ADGRL3: variants seen among roughly 807,000 people sequenced by gnomAD.
The protein encoded by ADGRL3 is adhesion G protein-coupled receptor L3, also known as calcium-independent alpha-latrotoxin receptor 3.
ADGRL3 carries 62 observed loss-of-function variants against 153.5 expected under a neutral mutation model. The observed-to-expected ratio is 0.40, with a 90% CI of 0.33 to 0.50. The LOEUF is 0.50. Among genes scored for constraint, ADGRL3 ranks in the 20% least tolerant of loss-of-function variants. ADGRL3 has a pLI of 0.47. For missense variants in ADGRL3, 1,641 were observed against 1,859.4 expected, an observed-to-expected ratio of 0.88 and a Z score of 2.16; for synonymous variants, 710 against 672.5, an observed-to-expected ratio of 1.06 and a Z score of -0.86.
At chr4:61,318,505 A>T (rs1404602916) in intron 1 of ADGRL3, among the ~76,000 whole-genome samples, 1 of 152,144 alleles carries the variant, frequency 6.6e-6, no homozygotes, top group Non-Finnish European at 1.5e-5. Flanking sequence ...TTTGTGAACC[A>T]TGAAGTAGTG....
intron 1 of ADGRL3, among the ~76,000 whole-genome samples, chr4:61,237,202 A>G (rs1225612786): frequency 6.6e-6 from 1 of 152,190 alleles, no homozygotes; most frequent in Non-Finnish European, 1.5e-5. Context: ...CCAACCGTAT[A>G]TATTCATGGT....
At chr4:61,307,921 A>G (rs560907373) in intron 1 of ADGRL3, among the ~76,000 whole-genome samples, 168 of 152,256 alleles carry the variant, frequency 1.1e-3, no homozygotes, top group Non-Finnish European at 1.7e-3. Context: ...TCATGTTGTC[A>G]TTTTTAGATT....
intron 3 of ADGRL3, among the ~76,000 whole-genome samples, chr4:61,508,516 T>A (rs538589054): frequency 1.3e-5 from 2 of 152,298 alleles, no homozygotes; most frequent in East Asian, 3.9e-4. Context: ...TTTTAAAAAT[T>A]TTTTTAACCT....
chr4:61,287,037 T>A (rs781166964), intron 1 of ADGRL3, among the ~76,000 whole-genome samples: 2 of 151,862 alleles, frequency 1.3e-5, no homozygotes, highest in Non-Finnish European at 2.9e-5. Context: ...TCATGTTTAA[T>A]GATTAACATC....
At chr4:61,385,114 C>T (rs1322859173) in intron 2 of ADGRL3, among the ~76,000 whole-genome samples, 9 of 152,006 alleles carry the variant, frequency 5.9e-5, no homozygotes, top group African/African-American at 1.9e-4. Context: ...AAACATTTAA[C>T]GGGGCAACAA....
chr4:62,007,763 G>GA (rs754455738), intron 21 of ADGRL3, among the ~76,000 whole-genome samples: 16 of 151,860 alleles, frequency 1.1e-4, no homozygotes, highest in Non-Finnish European at 1.0e-4. Context: ...CTCAAACCTA[G>GA]ACAACCTTGG....
chr4:61,423,991 C>T (rs750979266), intron 2 of ADGRL3, among the ~76,000 whole-genome samples: 3 of 151,958 alleles, frequency 2.0e-5, no homozygotes, highest in African/African-American at 4.8e-5. Context: ...AGAAGGAAAC[C>T]TACAAAAATA....
intron 5 of ADGRL3, among the ~76,000 whole-genome samples, chr4:61,639,729 A>G (rs1260650906): frequency 6.6e-6 from 1 of 152,200 alleles, no homozygotes; most frequent in Admixed American, 6.5e-5. Flanking sequence ...GTAGTGAGTT[A>G]AATTAAGGAA....
chr4:61,247,085 T>G (rs146788297), intron 1 of ADGRL3, among the ~76,000 whole-genome samples: 140 of 152,214 alleles, frequency 9.2e-4, no homozygotes, highest in African/African-American at 3.3e-3. Context: ...TCTGTAAATT[T>G]TAGTTTCAGG....
rs760326778 is a variant in ADGRL3 at position 61,497,329 on chromosome 4, C to G, written c.36C>G (p.Leu12=). The G allele has an allele frequency of 1.2e-6, 2 of 1,606,246 alleles. No homozygotes were observed. The highest frequency in any genetic ancestry group is 1.7e-5 in the Admixed American group (1 of 57,980). Residue 12 remains leucine (L), a synonymous_variant, in exon 3 of 27, where the codon CTC becomes CTG. Coordinates refer to ENST00000683033, the MANE Select transcript of ADGRL3 (RefSeq NM_001387552.1). The part of the protein sequence containing the change: ...WPSQLLIFMM[L]LAPIIHGGKH... Reference sequence around the variant, plus strand: ...CGCAGCTACTAATTTTCATGATGCTCTTAGCTCCAATAATTCATGGTAAGA... The same window carrying G: ...CGCAGCTACTAATTTTCATGATGCTGTTAGCTCCAATAATTCATGGTAAGA...
At chr4:61,691,593 T>A (rs2095540529) in intron 6 of ADGRL3, among the ~76,000 whole-genome samples, 3 of 152,172 alleles carry the variant, frequency 2.0e-5, no homozygotes, top group Admixed American at 2.0e-4. Context: ...TATAACAGAA[T>A]TAAAACAGTT....
rs1579186368 is a variant in ADGRL3, at chr4:61,497,407, C to T, written c.55+59C>T. 27 of 1,085,440 alleles carry T rather than the reference C, an allele frequency of 2.5e-5. No individual in the cohort carries two copies. In the East Asian group the frequency reaches 6.5e-4, roughly 26 times the overall value. 67.2% of individuals were successfully genotyped at this position (1,085,440 alleles called of 1,614,324 possible). On this transcript the variant is annotated intron_variant, in intron 3 of 26. Transcript: ENST00000683033. The stretch of plus-strand genomic sequence containing the variant: ...TGTTGTCTCACTTATTCATACTGGA[C>T]ACTTCCTTGGGATCTTTTCTCTGAG...
chr4:61,395,530 T>A (rs1014940996), intron 2 of ADGRL3, among the ~76,000 whole-genome samples: 1 of 151,986 alleles, frequency 6.6e-6, no homozygotes, highest in African/African-American at 2.4e-5. Context: ...TACTGTATTA[T>A]GTTATTTCAG....
At chr4:61,897,790 G>A (rs1461074384) in intron 11 of ADGRL3, among the ~76,000 whole-genome samples, 2 of 151,972 alleles carry the variant, frequency 1.3e-5, no homozygotes, top group Non-Finnish European at 2.9e-5. Context: ...TAATACCTGT[G>A]TAGTACCAGA....
chr4:61,959,168 C>A (rs2098978741), intron 17 of ADGRL3, among the ~76,000 whole-genome samples: 1 of 152,120 alleles, frequency 6.6e-6, no homozygotes. Context: ...AGTACTAATT[C>A]TCTTTTGTAA....
At chr4:62,027,244 CTCTT>C (rs1394695433) in intron 21 of ADGRL3, among the ~76,000 whole-genome samples, 1 of 152,026 alleles carries the variant, frequency 6.6e-6, no homozygotes, top group Non-Finnish European at 1.5e-5. Flanking sequence ...AAATTCTTCT[CTCTT>C]TATCTTTCAC....
At chr4:61,796,925 A>G (rs1200773677) in intron 8 of ADGRL3, among the ~76,000 whole-genome samples, 2 of 152,194 alleles carry the variant, frequency 1.3e-5, no homozygotes, top group Non-Finnish European at 2.9e-5. Flanking sequence ...GGCTTTGGTA[A>G]TTGAACCATG....
chr4:61,689,895 C>G (rs1321632678), intron 6 of ADGRL3, among the ~76,000 whole-genome samples: 1 of 152,082 alleles, frequency 6.6e-6, no homozygotes, highest in Non-Finnish European at 1.5e-5. Context: ...TTCTTATAAA[C>G]TCGTTTCAAA....
At chr4:61,298,912 G>A (rs2094496403) in intron 1 of ADGRL3, among the ~76,000 whole-genome samples, 1 of 151,992 alleles carries the variant, frequency 6.6e-6, no homozygotes, top group Non-Finnish European at 1.5e-5. Flanking sequence ...TCAAATGTTG[G>A]CTTTTCATTT....
Sources: gnomAD v4.1 joint callset for allele counts (sites outside exome capture counted in the v4.1 genomes callset) on GRCh38, gnomAD v4.1.1 for gene constraint, MANE v1.5 for transcripts, NCBI Gene and HGNC (gene_info 2026-07-23, HGNC 2026-07-21) for gene names.